The following NRXN1 variants were observed in gnomAD, a reference collection of about 807,000 sequenced individuals.
The protein encoded by NRXN1 is neurexin-1.
Under a neutral mutation model 150.9 loss-of-function variants are expected in NRXN1, and 39 were observed. That is an observed-to-expected ratio of 0.26 (90% CI 0.20 to 0.34). The LOEUF (loss-of-function observed/expected upper bound fraction) is 0.34, where lower values mean the gene tolerates loss of function less well. NRXN1 is among the 10% of genes least tolerant of loss of function. The probability of loss-of-function intolerance (pLI) is 1.00; values close to 1 mark genes in which losing one functional copy is unlikely to be tolerated. For synonymous variants in NRXN1, 924 were observed against 757.0 expected (o/e 1.22, Z -3.62); for missense variants, 1,815 against 1,949.9 (o/e 0.93, Z 1.30).
intron 2 of NRXN1, among the ~76,000 whole-genome samples, chr2:51,017,503 CTTTT>C (rs70958638): frequency 2.7e-4 from 12 of 44,292 alleles, no homozygotes; most frequent in African/African-American, 4.5e-4. Flanking sequence ...CCACATCTGG[CTTTT>C]TTTTTTTTTT....
At chr2:50,743,532 G>C (rs944341423) in intron 5 of NRXN1, among the ~76,000 whole-genome samples, 3 of 152,104 alleles carry the variant, frequency 2.0e-5, no homozygotes, top group Admixed American at 6.5e-5. Context: ...AAGACTTAAT[G>C]TTAAGCACTT....
At chr2:50,727,748 A>T (rs1294617277) in intron 5 of NRXN1, among the ~76,000 whole-genome samples, 2 of 152,158 alleles carry the variant, frequency 1.3e-5, no homozygotes, top group Admixed American at 6.6e-5. Flanking sequence ...TATAAGAAGA[A>T]GATCTTGGCT....
At chr2:50,339,139 A>C (rs1469584812) in intron 17 of NRXN1, among the ~76,000 whole-genome samples, 2 of 152,204 alleles carry the variant, frequency 1.3e-5, no homozygotes, top group African/African-American at 4.8e-5. Context: ...TCATGGCAGA[A>C]GTGTTGTCCA....
At chr2:50,658,543 C>T (rs1686837868) in intron 5 of NRXN1, among the ~76,000 whole-genome samples, 1 of 151,836 alleles carries the variant, frequency 6.6e-6, no homozygotes, top group African/African-American at 2.4e-5. Context: ...TCCACTTCCA[C>T]TTCCTGGCAA....
intron 17 of NRXN1, among the ~76,000 whole-genome samples, chr2:50,356,240 A>T (rs970752615): frequency 6.6e-6 from 1 of 152,156 alleles, no homozygotes; most frequent in South Asian, 2.1e-4. Context: ...TTATCATCTA[A>T]TATTTTTTTC....
intron 2 of NRXN1, among the ~76,000 whole-genome samples, chr2:50,994,163 T>G (rs1357292184): frequency 1.3e-5 from 2 of 151,982 alleles, no homozygotes; most frequent in African/African-American, 4.8e-5. Context: ...AGTTAAATAA[T>G]CCAATCAGTC....
chr2:50,618,857 C>A (rs1471998490), intron 8 of NRXN1, among the ~76,000 whole-genome samples: 1 of 151,732 alleles, frequency 6.6e-6, no homozygotes, highest in Non-Finnish European at 1.5e-5. Context: ...ATATTTGTAA[C>A]CAGTAAAAGT....
rs529786534 is a variant in NRXN1, at chr2:49,982,848, T to C, written c.4129-39057A>G. Reference sequence around the variant, plus strand: ...CATAAGTGACCATAAATGAGATTACTAGACTAAAGACATAGTGTTTTTATA... The same window carrying C: ...CATAAGTGACCATAAATGAGATTACCAGACTAAAGACATAGTGTTTTTATA... On this transcript the variant is annotated intron_variant, in intron 21 of 22. Transcript: ENST00000401669. 2.2e-4 allele frequency among the ~76,000 whole-genome samples: 34 copies of C among 152,290 alleles called. 2 individuals are homozygous for C. In the South Asian group the frequency reaches 6.6e-3, roughly 30 times the overall value.
At chr2:50,955,626 C>A (rs1027442703) in intron 2 of NRXN1, among the ~76,000 whole-genome samples, 1 of 152,248 alleles carries the variant, frequency 6.6e-6, no homozygotes, top group Non-Finnish European at 1.5e-5. Flanking sequence ...GTAGAAAGCA[C>A]AGAGAGGTTA....
chr2:50,280,001 T>A (rs565109015), intron 17 of NRXN1, among the ~76,000 whole-genome samples: 1 of 152,098 alleles, frequency 6.6e-6, no homozygotes, highest in Non-Finnish European at 1.5e-5. Flanking sequence ...AGGGCTTGCA[T>A]AACAGATATA....
At chr2:50,063,547 G>GAC (rs3046664) in intron 19 of NRXN1, among the ~76,000 whole-genome samples, 13,512 of 137,414 alleles carry the variant, frequency 0.098, 710 homozygotes, top group East Asian at 0.14. Context: ...CACCTCAACA[G>GAC]ACACACACAC....
chr2:49,955,975 GA>G (rs1416249453), intron 21 of NRXN1, among the ~76,000 whole-genome samples: 1 of 152,098 alleles, frequency 6.6e-6, no homozygotes, highest in Non-Finnish European at 1.5e-5. Flanking sequence ...AGAACATTTA[GA>G]ATACTGTGGT....
intron 17 of NRXN1, among the ~76,000 whole-genome samples, chr2:50,428,471 A>C (rs866095187): frequency 1.3e-5 from 2 of 152,214 alleles, no homozygotes; most frequent in Admixed American, 6.5e-5. Flanking sequence ...TCATTGAGAG[A>C]CACATTTAGA....
At chr2:50,222,953 G>A (rs60062665) in intron 18 of NRXN1, among the ~76,000 whole-genome samples, 14,136 of 151,792 alleles carry the variant, frequency 0.093, 803 homozygotes, top group South Asian at 0.14. Context: ...TCCCATCATT[G>A]TTGTATTATT....
At chr2:50,557,178 A>G (rs573749129) in intron 8 of NRXN1, among the ~76,000 whole-genome samples, 261 of 152,292 alleles carry the variant, frequency 1.7e-3, no homozygotes, top group African/African-American at 5.5e-3. Flanking sequence ...AGGCTCTTTC[A>G]ACAGAGCGGG....
intron 17 of NRXN1, among the ~76,000 whole-genome samples, chr2:50,261,262 T>G (rs2068243530): frequency 6.6e-6 from 1 of 151,720 alleles, no homozygotes; most frequent in Non-Finnish European, 1.5e-5. Flanking sequence ...ACCCTGAAAA[T>G]GAAGTCATAT....
At chr2:50,919,250 A>G (rs905972349) in intron 5 of NRXN1, 6 of 151,796 alleles carry the variant, frequency 4.0e-5, no homozygotes, top group African/African-American at 1.4e-4. Flanking sequence ...TATGGAGCAC[A>G]GAAGGATCAA....
chr2:51,013,348 C>A (rs1379347266), intron 2 of NRXN1, among the ~76,000 whole-genome samples: 2 of 151,920 alleles, frequency 1.3e-5, no homozygotes, highest in Non-Finnish European at 2.9e-5. Context: ...CAAGTCAAGT[C>A]ACTGGGGGAA....
chr2:50,508,158 G>A (rs1420115647), intron 12 of NRXN1, among the ~76,000 whole-genome samples: 3 of 152,120 alleles, frequency 2.0e-5, no homozygotes, highest in Non-Finnish European at 4.4e-5. Flanking sequence ...TTCAAGTGTT[G>A]TATCCTTGGC....
Sources: allele counts gnomAD v4.1 joint callset (sites outside exome capture counted in the v4.1 genomes callset), GRCh38; gene constraint gnomAD v4.1.1; transcripts MANE v1.5; gene names NCBI Gene and HGNC (gene_info 2026-07-23, HGNC 2026-07-21).